The following NRXN3 variants were observed in gnomAD, a reference collection of about 807,000 sequenced individuals.
NRXN3 encodes neurexin 3, also known as neurexin III.
A neutral mutation model predicts 137.6 loss-of-function variants in NRXN3; 32 were observed. That is an observed-to-expected ratio of 0.23 (90% CI 0.18 to 0.31). NRXN3 has a LOEUF of 0.31. Ranked by LOEUF, NRXN3 falls within the 10% of genes least tolerant of loss-of-function variation. The pLI, the probability that NRXN3 is intolerant of heterozygous loss-of-function variation, is 1.00. For synonymous variants in NRXN3, 798 were observed against 784.5 expected (o/e 1.02, Z -0.29); for missense variants, 1,574 against 2,062.5 (o/e 0.76, Z 4.59).
intron 8 of NRXN3, among the ~76,000 whole-genome samples, chr14:78,790,544 C>T (rs1031127752): frequency 2.0e-5 from 3 of 152,164 alleles, no homozygotes; most frequent in African/African-American, 7.2e-5. Flanking sequence ...GGCAGGCATT[C>T]TTGCATAGAT....
chr14:79,440,959 A>G (rs1438309180), intron 15 of NRXN3, among the ~76,000 whole-genome samples: 1 of 152,190 alleles, frequency 6.6e-6, no homozygotes, highest in African/African-American at 2.4e-5. Context: ...TAAGCTTGCT[A>G]CAGGATCAAG....
intron 15 of NRXN3, among the ~76,000 whole-genome samples, chr14:79,294,850 T>G (rs2153464772): frequency 6.6e-6 from 1 of 152,304 alleles, no homozygotes; most frequent in South Asian, 2.1e-4. Flanking sequence ...TACAGTGTGG[T>G]TACAATTCAT....
intron 19 of NRXN3, among the ~76,000 whole-genome samples, chr14:79,713,596 C>CATACAT (rs1191171361): frequency 1.1e-3 from 126 of 116,486 alleles, no homozygotes; most frequent in African/African-American, 3.5e-3. Flanking sequence ...TATATATATA[C>CATACAT]ATACATATAC....
intron 16 of NRXN3, among the ~76,000 whole-genome samples, chr14:79,622,653 A>G (rs2098237083): frequency 6.6e-6 from 1 of 151,980 alleles, no homozygotes; most frequent in African/African-American, 2.4e-5. Context: ...CTGGAGTGTA[A>G]TGGCGCAATC....
chr14:78,564,468 A>C (rs1473206913), intron 4 of NRXN3, among the ~76,000 whole-genome samples: 3 of 152,148 alleles, frequency 2.0e-5, no homozygotes, highest in Non-Finnish European at 4.4e-5. Flanking sequence ...GAATGTTTGC[A>C]TGAAGCCAGA....
chr14:79,465,456 T>C (rs889739888), intron 15 of NRXN3, among the ~76,000 whole-genome samples: 9 of 152,248 alleles, frequency 5.9e-5, no homozygotes, highest in Admixed American at 1.3e-4. Flanking sequence ...ATTGAGCAAA[T>C]TGGAGCAACT....
chr14:78,961,223 A>G (rs1010766910), intron 11 of NRXN3, among the ~76,000 whole-genome samples: 1 of 152,134 alleles, frequency 6.6e-6, no homozygotes, highest in African/African-American at 2.4e-5. Flanking sequence ...AAGGGCCATG[A>G]AAGGTCAATT....
intron 15 of NRXN3, among the ~76,000 whole-genome samples, chr14:79,136,311 A>T (rs2058222484): frequency 1.3e-5 from 2 of 152,194 alleles, no homozygotes; most frequent in Non-Finnish European, 2.9e-5. Context: ...ACCAAACAGG[A>T]CTAGGACATA....
chr14:78,835,956 C>T (rs918027060), intron 10 of NRXN3, among the ~76,000 whole-genome samples: 5 of 152,072 alleles, frequency 3.3e-5, no homozygotes, highest in Non-Finnish European at 5.9e-5. Flanking sequence ...GCCACAACAC[C>T]TCTAATTACA....
At chr14:78,698,362 T>A (rs2098247773) in intron 6 of NRXN3, 1 of 152,084 alleles carries the variant, frequency 6.6e-6, no homozygotes, top group South Asian at 2.1e-4. Context: ...GATTAGCTTT[T>A]TCTACAAAAG....
chr14:78,577,725 A>G (rs910589401), intron 4 of NRXN3, among the ~76,000 whole-genome samples: 3 of 152,138 alleles, frequency 2.0e-5, no homozygotes, highest in South Asian at 2.1e-4. Context: ...TCGGCCTCCC[A>G]TAGGTGAATT....
chr14:78,206,006 A>C (rs1358883186), intron 1 of NRXN3, among the ~76,000 whole-genome samples: 2 of 152,140 alleles, frequency 1.3e-5, no homozygotes, highest in Non-Finnish European at 2.9e-5. Flanking sequence ...AGCAATTGGG[A>C]GGTTGTGGGT....
intron 15 of NRXN3, among the ~76,000 whole-genome samples, chr14:79,095,270 A>T (rs925645212): frequency 6.6e-6 from 1 of 152,170 alleles, no homozygotes; most frequent in Non-Finnish European, 1.5e-5. Flanking sequence ...ATAGGCCGTT[A>T]TAAATTATTA....
chr14:78,725,536 C>T (rs758953058), intron 8 of NRXN3, among the ~76,000 whole-genome samples: 8 of 152,198 alleles, frequency 5.3e-5, no homozygotes, highest in Non-Finnish European at 7.3e-5. Context: ...CACAAGCAAC[C>T]TAGCATCTTC....
intron 20 of NRXN3, among the ~76,000 whole-genome samples, chr14:79,817,070 AT>A (rs996728248): frequency 4.0e-5 from 6 of 150,768 alleles, no homozygotes; most frequent in East Asian, 1.9e-4. Flanking sequence ...AATTATTATT[AT>A]TTTTTTTTGG....
intron 15 of NRXN3, among the ~76,000 whole-genome samples, chr14:79,290,934 T>C (rs2083081705): frequency 6.6e-6 from 1 of 152,204 alleles, no homozygotes; most frequent in African/African-American, 2.4e-5. Context: ...TTGGGTCCAT[T>C]CTAGCCACTT....
chr14:79,063,727 A>G (rs575440547), intron 15 of NRXN3, among the ~76,000 whole-genome samples: 5 of 152,302 alleles, frequency 3.3e-5, no homozygotes, highest in Admixed American at 6.5e-5. Flanking sequence ...GAAAAAAACC[A>G]GGAGCAAGCC....
At chr14:79,205,314 T>C (rs893681529) in intron 15 of NRXN3, among the ~76,000 whole-genome samples, 6 of 152,198 alleles carry the variant, frequency 3.9e-5, no homozygotes, top group Non-Finnish European at 7.3e-5. Context: ...CTAATTAACA[T>C]TGGTGTTTTT....
intron 16 of NRXN3, among the ~76,000 whole-genome samples, chr14:79,530,126 G>A (rs2097156492): frequency 6.6e-6 from 1 of 152,042 alleles, no homozygotes; most frequent in Non-Finnish European, 1.5e-5. Context: ...AGTTTTATTA[G>A]CACCTCTGAG....
Sources: allele counts gnomAD v4.1 joint callset (sites outside exome capture counted in the v4.1 genomes callset), GRCh38; gene constraint gnomAD v4.1.1; transcripts MANE v1.5; gene names NCBI Gene and HGNC (gene_info 2026-07-23, HGNC 2026-07-21).